Variants in SEMA5A observed in about 807,000 individuals in gnomAD.
The protein encoded by SEMA5A is semaphorin-5A.
Under a neutral mutation model 135.5 loss-of-function variants are expected in SEMA5A, and 55 were observed. The ratio of observed to expected loss-of-function variants is 0.41; its 90% confidence interval spans 0.33 to 0.51. The LOEUF (loss-of-function observed/expected upper bound fraction) is 0.51. Among genes scored for constraint, SEMA5A ranks in the 20% least tolerant of loss-of-function variants. The pLI, the probability that SEMA5A is intolerant of heterozygous loss-of-function variation, is 0.37. For missense variants in SEMA5A, 1,290 were observed against 1,419.9 expected (o/e 0.91, Z 1.47); for synonymous variants, 580 against 546.5 (o/e 1.06, Z -0.85).
intron 11 of SEMA5A, among the ~76,000 whole-genome samples, chr5:9,160,247 T>C (rs1161405874): frequency 6.6e-6 from 1 of 152,082 alleles, no homozygotes; most frequent in East Asian, 1.9e-4. Flanking sequence ...CTGTCATCCA[T>C]CTCAAGGACA....
chr5:9,215,819 TA>T (rs1311285481), intron 8 of SEMA5A, among the ~76,000 whole-genome samples: 3 of 152,104 alleles, frequency 2.0e-5, no homozygotes, highest in Non-Finnish European at 4.4e-5. Context: ...TGGCCTATCT[TA>T]TTTTTTTTTT....
At chr5:9,087,087 G>T (rs1383448162) in intron 16 of SEMA5A, among the ~76,000 whole-genome samples, 2 of 152,150 alleles carry the variant, frequency 1.3e-5, no homozygotes, top group African/African-American at 4.8e-5. Context: ...AGTATCAAGG[G>T]AACAGCCAGA....
chr5:9,508,097 A>G (rs1434654349), intron 1 of SEMA5A, among the ~76,000 whole-genome samples: 1 of 152,188 alleles, frequency 6.6e-6, no homozygotes, highest in Non-Finnish European at 1.5e-5. Flanking sequence ...CCTAGCAACT[A>G]GGGAAAGATG....
At chr5:9,500,395 T>A (rs1282534770) in intron 1 of SEMA5A, among the ~76,000 whole-genome samples, 2 of 152,278 alleles carry the variant, frequency 1.3e-5, no homozygotes, top group Non-Finnish European at 2.9e-5. Context: ...TGTTAAGAAA[T>A]ATCTGGCAAA....
In SEMA5A at chr5:9,243,193, C is replaced by G. The variant is rs1171603774; in HGVS notation, c.271-5303G>C. ...TGGAGGCTCGTTGGCAGGGTTGAAT[C>G]CGACTGAAAACTTTGAGGGACAATC... On this transcript the variant is annotated intron_variant, in intron 5 of 22. Coordinates refer to ENST00000382496, the MANE Select transcript of SEMA5A (RefSeq NM_003966.3). 2.6e-5 allele frequency among the ~76,000 whole-genome samples: 4 copies of G among 152,154 alleles called. No homozygotes were observed. The South Asian group carries it at 8.3e-4, about 31-fold the overall frequency.
intron 11 of SEMA5A, among the ~76,000 whole-genome samples, chr5:9,168,549 G>A (rs968120326): frequency 6.6e-6 from 1 of 152,120 alleles, no homozygotes. Flanking sequence ...AGGATGCCAC[G>A]GCCAAGGGCC....
At chr5:9,179,477 T>C (rs983534548) in intron 11 of SEMA5A, among the ~76,000 whole-genome samples, 3 of 152,176 alleles carry the variant, frequency 2.0e-5, no homozygotes, top group African/African-American at 7.2e-5. Context: ...TTGCATCCTA[T>C]TTAGAACATA....
intron 5 of SEMA5A, among the ~76,000 whole-genome samples, chr5:9,275,378 C>T (rs1294258921): frequency 5.9e-5 from 9 of 152,074 alleles, no homozygotes; most frequent in African/African-American, 2.2e-4. Context: ...ACCAGATGGA[C>T]TCCCAGCCTA....
At chr5:9,532,532 C>G (rs1737512628) in intron 1 of SEMA5A, among the ~76,000 whole-genome samples, 1 of 151,468 alleles carries the variant, frequency 6.6e-6, no homozygotes, top group Non-Finnish European at 1.5e-5. Context: ...AGGTGGTCCA[C>G]CCACCTCGGC....
At chr5:9,419,762 T>G (rs1369546885) in intron 2 of SEMA5A, among the ~76,000 whole-genome samples, 1 of 152,142 alleles carries the variant, frequency 6.6e-6, no homozygotes, top group Non-Finnish European at 1.5e-5. Context: ...GAGCATTCCA[T>G]TTTTTTCTCA....
chr5:9,485,322 G>A (rs1177117318), intron 1 of SEMA5A, among the ~76,000 whole-genome samples: 1 of 152,060 alleles, frequency 6.6e-6, no homozygotes, highest in Non-Finnish European at 1.5e-5. Context: ...CAAGGAGAAG[G>A]TGTCATGTGG....
At chr5:9,141,586 G>T (rs1165844808) in intron 12 of SEMA5A, among the ~76,000 whole-genome samples, 31 of 152,166 alleles carry the variant, frequency 2.0e-4, no homozygotes, top group Non-Finnish European at 1.5e-4. Context: ...CACTTATTGA[G>T]GGTATTTTTT....
intron 2 of SEMA5A, among the ~76,000 whole-genome samples, chr5:9,384,659 GATATAGATAGATAGAT>G (rs1198172630): frequency 1.1e-4 from 9 of 84,098 alleles, no homozygotes; most frequent in African/African-American, 1.7e-4. Flanking sequence ...TAGATAGATA[GATATAGATAGATAGAT>G]ATAGATAGAT....
chr5:9,154,352 A>G, intron 12 of SEMA5A, 136 bp downstream of exon 12: 2 of 693,650 alleles, frequency 2.9e-6, no homozygotes, highest in Non-Finnish European at 4.9e-6. Context: ...TCTGCATCCT[A>G]GAGCACAGGA....
intron 1 of SEMA5A, among the ~76,000 whole-genome samples, chr5:9,461,951 G>T (rs1759072943): frequency 6.6e-6 from 1 of 152,056 alleles, no homozygotes; most frequent in African/African-American, 2.4e-5. Context: ...AAAAAATCAG[G>T]GATCAAAGAG....
intron 8 of SEMA5A, among the ~76,000 whole-genome samples, chr5:9,223,568 C>A (rs1315950739): frequency 6.6e-6 from 1 of 152,186 alleles, no homozygotes; most frequent in Admixed American, 6.5e-5. Flanking sequence ...CCCAGTCCCA[C>A]AACTAAGACA....
intron 2 of SEMA5A, among the ~76,000 whole-genome samples, chr5:9,390,413 T>C (rs1283472502): frequency 6.6e-6 from 1 of 152,240 alleles, no homozygotes; most frequent in Non-Finnish European, 1.5e-5. Context: ...GAGGATATTA[T>C]AATTCACACC....
chr5:9,461,383 G>A (rs1759051353), intron 1 of SEMA5A, among the ~76,000 whole-genome samples: 1 of 152,204 alleles, frequency 6.6e-6, no homozygotes, highest in Admixed American at 6.5e-5. Context: ...AAATGGAAAT[G>A]CTTACAGCAA....
chr5:9,495,686 G>T (rs988824339), intron 1 of SEMA5A, among the ~76,000 whole-genome samples: 9 of 152,136 alleles, frequency 5.9e-5, no homozygotes, highest in Non-Finnish European at 1.2e-4. Context: ...AAACTGGCGG[G>T]GCCTCCGGCT....
Sources: allele counts gnomAD v4.1 joint callset (sites outside exome capture counted in the v4.1 genomes callset), GRCh38; gene constraint gnomAD v4.1.1; transcripts MANE v1.5; gene names NCBI Gene and HGNC (gene_info 2026-07-23, HGNC 2026-07-21).